JARID2: variants seen among roughly 807,000 people sequenced by gnomAD.
The protein encoded by JARID2 is protein Jumonji.
Under a neutral mutation model 125.6 loss-of-function variants are expected in JARID2, and 21 were observed. The observed-to-expected ratio is 0.17, with a 90% CI of 0.12 to 0.24. The LOEUF (loss-of-function observed/expected upper bound fraction) is 0.24, where lower values mean the gene tolerates loss of function less well. JARID2 is among the 10% of genes least tolerant of loss of function. The probability of loss-of-function intolerance (pLI) is 1.00; values close to 1 mark genes in which losing one functional copy is unlikely to be tolerated. For synonymous variants in JARID2, 736 were observed against 661.6 expected (o/e 1.11, Z -1.73); for missense variants, 1,303 against 1,639.6 (o/e 0.79, Z 3.55).
chr6:15,249,844 T>C (rs577550807), intron 1 of JARID2, among the ~76,000 whole-genome samples: 111 of 152,348 alleles, frequency 7.3e-4, no homozygotes, highest in African/African-American at 2.5e-3. Flanking sequence ...TTAATTGTGT[T>C]GAGCACGACT....
chr6:15,517,787 T>C (rs2127774106), intron 17 of JARID2, among the ~76,000 whole-genome samples: 1 of 152,334 alleles, frequency 6.6e-6, no homozygotes, highest in Non-Finnish European at 1.5e-5. Flanking sequence ...CCTGTGCAGC[T>C]GGGGGCCGCT....
chr6:15,343,308 C>T (rs1369102957), intron 1 of JARID2, among the ~76,000 whole-genome samples: 3 of 147,642 alleles, frequency 2.0e-5, no homozygotes, highest in Non-Finnish European at 4.5e-5. Context: ...AAAAAAAGCT[C>T]ATGAGCATGC....
At chr6:15,314,034 GTGTCC>G (rs1762102360) in intron 1 of JARID2, among the ~76,000 whole-genome samples, 1 of 152,126 alleles carries the variant, frequency 6.6e-6, no homozygotes, top group Non-Finnish European at 1.5e-5. Flanking sequence ...AAGGCCCAAG[GTGTCC>G]TGATGTTGAG....
intron 5 of JARID2, among the ~76,000 whole-genome samples, chr6:15,474,371 A>G (rs150333262): frequency 3.9e-5 from 6 of 152,122 alleles, no homozygotes; most frequent in Admixed American, 6.5e-5. Flanking sequence ...ATGTTGCTCA[A>G]TATGCATATT....
intron 1 of JARID2, among the ~76,000 whole-genome samples, chr6:15,353,932 GCCA>G (rs1213778029): frequency 1.3e-5 from 2 of 152,256 alleles, no homozygotes; most frequent in Non-Finnish European, 2.9e-5. Flanking sequence ...AAAAAAATCT[GCCA>G]CTTATGTTCC....
chr6:15,391,588 G>T (rs1765011557), intron 2 of JARID2, among the ~76,000 whole-genome samples: 1 of 152,218 alleles, frequency 6.6e-6, no homozygotes, highest in Non-Finnish European at 1.5e-5. Context: ...GATAAAGGCT[G>T]TGTTATGCAA....
chr6:15,463,618 G>C (rs2127665783), intron 4 of JARID2, among the ~76,000 whole-genome samples: 1 of 152,126 alleles, frequency 6.6e-6, no homozygotes, highest in East Asian at 1.9e-4. Context: ...TTTTAGTAGA[G>C]ATGGAGTTTC....
At chr6:15,296,060 G>A (rs1232930555) in intron 1 of JARID2, among the ~76,000 whole-genome samples, 1 of 152,196 alleles carries the variant, frequency 6.6e-6, no homozygotes, top group Admixed American at 6.5e-5. Context: ...GTGCACAAAA[G>A]TATTTCGGTA....
At chr6:15,424,025 C>T (rs1467062093) in intron 3 of JARID2, among the ~76,000 whole-genome samples, 4 of 152,132 alleles carry the variant, frequency 2.6e-5, no homozygotes, top group Non-Finnish European at 5.9e-5. Flanking sequence ...GTTGTTTGGC[C>T]AGTACTTACT....
At chr6:15,372,960 G>A (rs746534366) in intron 1 of JARID2, among the ~76,000 whole-genome samples, 1 of 151,364 alleles carries the variant, frequency 6.6e-6, no homozygotes, top group Non-Finnish European at 1.5e-5. Flanking sequence ...GCCCATCTTG[G>A]CCCCCAAAAG....
Position 15,256,018 on chromosome 6 carries a change from C to T in JARID2, c.45+9434C>T, listed in dbSNP as rs1581330140. ...GCTATACAACCTCGCTGAGCTATTT[C>T]CTCATCTGGACAACTTATTTCATGC... On this transcript the variant is annotated intron_variant, in intron 1 of 17. Coordinates refer to ENST00000341776, the MANE Select transcript of JARID2 (RefSeq NM_004973.4). 3.3e-5 allele frequency among the ~76,000 whole-genome samples: 5 copies of T among 152,238 alleles called. No individual in the cohort carries two copies. In the South Asian group the frequency reaches 1.0e-3, roughly 32 times the overall value.
At position 15,246,407 on chromosome 6, in the gene JARID2, A is replaced by G. The variant is rs952247787; in HGVS notation, c.-133A>G. The G allele has an allele frequency of 1.0e-5, 7 of 667,508 alleles. No homozygotes were observed. Among genetic ancestry groups the G allele is most frequent in the Non-Finnish European group, 1.8e-5 (7 of 387,322 alleles). 41.3% of individuals were successfully genotyped at this position (667,508 alleles called of 1,614,324 possible). A position where few individuals can be genotyped will look rare whatever the true frequency, so the allele number is the denominator to read the frequency against. On this transcript the variant is annotated 5_prime_UTR_variant, in exon 1 of 18. Coordinates refer to ENST00000341776, the MANE Select transcript of JARID2 (RefSeq NM_004973.4). ...CGAATCTGGCTTTGGGGGAAGAGGA[A>G]GAAAAGTCGGATTACAAGATCAACC...
intron 1 of JARID2, among the ~76,000 whole-genome samples, chr6:15,319,242 A>G (rs956851182): frequency 2.0e-5 from 3 of 152,140 alleles, no homozygotes; most frequent in African/African-American, 7.2e-5. Flanking sequence ...AAACATGGCA[A>G]GGTTTGAAGT....
intron 1 of JARID2, among the ~76,000 whole-genome samples, chr6:15,266,344 T>A (rs929838847): frequency 6.6e-6 from 1 of 152,368 alleles, no homozygotes; most frequent in African/African-American, 2.4e-5. Flanking sequence ...AGTAATAGTT[T>A]AGAGTTTTAC....
chr6:15,321,640 C>T (rs1762358214), intron 1 of JARID2, among the ~76,000 whole-genome samples: 1 of 152,054 alleles, frequency 6.6e-6, no homozygotes, highest in South Asian at 2.1e-4. Context: ...ATTTACAAGC[C>T]AATTGCTTGA....
intron 1 of JARID2, among the ~76,000 whole-genome samples, chr6:15,329,103 G>A (rs1762622457): frequency 6.6e-6 from 1 of 152,108 alleles, no homozygotes; most frequent in Non-Finnish European, 1.5e-5. Context: ...TCAGAAACAG[G>A]ATTTAGGAAC....
chr6:15,319,949 G>A (rs746840500), intron 1 of JARID2, among the ~76,000 whole-genome samples: 1 of 152,060 alleles, frequency 6.6e-6, no homozygotes, highest in Non-Finnish European at 1.5e-5. Flanking sequence ...TTCCTTATTC[G>A]AACTGGAGCT....
At chr6:15,275,938 A>G (rs1423274752) in intron 1 of JARID2, among the ~76,000 whole-genome samples, 1 of 152,120 alleles carries the variant, frequency 6.6e-6, no homozygotes, top group African/African-American at 2.4e-5. Context: ...AGGGGGAAAA[A>G]AGTTAACAAT....
At chr6:15,315,705 G>A (rs1396833012) in intron 1 of JARID2, among the ~76,000 whole-genome samples, 2 of 152,076 alleles carry the variant, frequency 1.3e-5, no homozygotes, top group South Asian at 2.1e-4. Flanking sequence ...ATAAATGAGT[G>A]GTGTTTCGCC....
Sources: gnomAD v4.1 joint callset for allele counts (sites outside exome capture counted in the v4.1 genomes callset) on GRCh38, gnomAD v4.1.1 for gene constraint, MANE v1.5 for transcripts, NCBI Gene and HGNC (gene_info 2026-07-23, HGNC 2026-07-21) for gene names.